The following NEO1 variants were observed in gnomAD, a reference collection of about 807,000 sequenced individuals.
The protein encoded by NEO1 is neogenin 1, also known as neogenin.
Under a neutral mutation model 159.7 loss-of-function variants are expected in NEO1, and 63 were observed. The observed-to-expected ratio is 0.39, with a 90% CI of 0.32 to 0.49. The LOEUF (loss-of-function observed/expected upper bound fraction) is 0.49, where lower values mean the gene tolerates loss of function less well. Ranked by LOEUF, NEO1 falls within the 20% of genes least tolerant of loss-of-function variation. The pLI, the probability that NEO1 is intolerant of heterozygous loss-of-function variation, is 0.85. For synonymous variants in NEO1, 633 were observed against 662.0 expected (o/e 0.96, Z 0.67); for missense variants, 1,615 against 1,831.0 (o/e 0.88, Z 2.15).
At chr15:73,084,040 T>A (rs1350627579) in intron 1 of NEO1, among the ~76,000 whole-genome samples, 1 of 152,150 alleles carries the variant, frequency 6.6e-6, no homozygotes, top group Non-Finnish European at 1.5e-5. Context: ...AATAATGTTT[T>A]AAAATATATA....
Position 73,116,851 on chromosome 15 carries a change from G to A in NEO1, c.442G>A (p.Val148Ile). 9.1e-6 allele frequency: 14 copies of A among 1,535,436 alleles called. No individual in the cohort carries two copies. The highest frequency in any genetic ancestry group is 1.7e-4 in the Middle Eastern group (1 of 5,736). The change falls in exon 2 of 29, where the codon GTA becomes ATA. Residue 148 changes from valine to isoleucine, a missense_variant. By Grantham distance (29) the Val-to-Ile change is conservative. Coordinates refer to ENST00000261908, the MANE Select transcript of NEO1 (RefSeq NM_002499.4). Reference protein sequence around the residue: ...TIISRTAKLIVAGLPRFTSQP... With the variant: ...TIISRTAKLIIAGLPRFTSQP... The stretch of plus-strand genomic sequence containing the variant: ...TATCAGTAGAACAGCGAAGCTCATA[G>A]TAGCAGGTAAGTTTTAAGTGATTTT...
rs753991718 is a variant in NEO1 at position 73,301,403 on chromosome 15, T to G, written c.4248T>G (p.Val1416=). Residue 1416 remains valine (V), a synonymous_variant, in exon 28 of 29, where the codon GTT becomes GTG. Transcript: ENST00000261908. The part of the protein sequence containing the change: ...GRSRPPMPVV[V]PSAPEVQETT... ...GCCGGCCTCCTATGCCAGTGGTTGT[T>G]CCCAGTGCCCCTGAAGTGCAGGAGA... is the stretch of plus-strand genomic sequence containing the variant. The G allele has an allele frequency of 1.2e-6, 2 of 1,614,148 alleles. No homozygotes were observed. The highest frequency in any genetic ancestry group is 8.5e-7 in the Non-Finnish European group (1 of 1,180,036).
At chr15:73,147,615 C>G (rs376810752) in intron 5 of NEO1, among the ~76,000 whole-genome samples, 47 of 152,202 alleles carry the variant, frequency 3.1e-4, no homozygotes, top group African/African-American at 1.0e-3. Flanking sequence ...AAGTCATGTC[C>G]CTTCCAGCCC....
intron 1 of NEO1, among the ~76,000 whole-genome samples, chr15:73,065,473 A>G (rs1424238283): frequency 2.0e-5 from 3 of 152,158 alleles, no homozygotes; most frequent in Admixed American, 6.5e-5. Context: ...AGGGTGCTGG[A>G]TGTAGAATTC....
At chr15:73,134,127 A>G (rs2031468971) in intron 4 of NEO1, among the ~76,000 whole-genome samples, 1 of 152,114 alleles carries the variant, frequency 6.6e-6, no homozygotes, top group African/African-American at 2.4e-5. Context: ...TAGGATTTTA[A>G]TTTTTGTAAA....
Position 73,249,571 on chromosome 15 carries a change from A to G in NEO1, c.1756-12A>G, listed in dbSNP as rs376374057. 3.1e-6 allele frequency: 5 copies of G among 1,588,132 alleles called. No individual in the cohort carries two copies. Among genetic ancestry groups the G allele is most frequent in the Non-Finnish European group, 4.3e-6 (5 of 1,171,868 alleles). On this transcript the variant is annotated splice_polypyrimidine_tract_variant and intron_variant, in intron 10 of 28. Transcript: ENST00000261908. ...TGAGTGCATATGTATAAAGTGTTTTATTTTATTCAAGGATGTTGATGTTTC... is the reference window on the plus strand; with the variant it reads ...TGAGTGCATATGTATAAAGTGTTTTGTTTTATTCAAGGATGTTGATGTTTC...
rs532697344 is a variant in NEO1 at position 73,293,367 on chromosome 15, C to T, written c.3743-23C>T. 42 of 1,613,256 alleles carry T rather than the reference C, an allele frequency of 2.6e-5. No homozygotes were observed. In the East Asian group the frequency reaches 6.5e-4, roughly 25 times the overall value. ...GTTTGTGCAAGCATGTTAAGCATTTCTCTGTCTTGTGTTCATTCACAGCTG... is the reference window on the plus strand; with the variant it reads ...GTTTGTGCAAGCATGTTAAGCATTTTTCTGTCTTGTGTTCATTCACAGCTG... On this transcript the variant is annotated intron_variant, in intron 25 of 28. Coordinates refer to ENST00000261908, the MANE Select transcript of NEO1 (RefSeq NM_002499.4).
chr15:73,258,251 A>G lies in NEO1; in HGVS notation c.2093-515A>G, dbSNP rs80327886. Among the ~76,000 whole-genome samples the G allele has an allele frequency of 6.0e-3, 921 of 152,322 alleles. 12 individuals are homozygous for G. The highest frequency in any genetic ancestry group is 0.021 in the African/African-American group (876 of 41,558). On this transcript the variant is annotated intron_variant, in intron 13 of 28. Coordinates refer to ENST00000261908, the MANE Select transcript of NEO1 (RefSeq NM_002499.4). ...TATGAGCAATTGGTTGTTAAGGAAT[A>G]GATTTTGAGACCGTATTTGGTGCTT...
intron 1 of NEO1, among the ~76,000 whole-genome samples, chr15:73,062,848 G>A (rs2068042305): frequency 6.6e-6 from 1 of 152,230 alleles, no homozygotes; most frequent in African/African-American, 2.4e-5. Flanking sequence ...CTGTAAAAGG[G>A]TTGCAGAATT....
chr15:73,197,681 CT>C (rs34893810), intron 7 of NEO1, among the ~76,000 whole-genome samples: 116 of 132,360 alleles, frequency 8.8e-4, no homozygotes, highest in Middle Eastern at 4.2e-3. Context: ...TTATACCTAC[CT>C]TTTTTTTTTT....
At chr15:73,077,883 TGATA>T (rs1437995372) in intron 1 of NEO1, among the ~76,000 whole-genome samples, 1 of 152,182 alleles carries the variant, frequency 6.6e-6, no homozygotes, top group African/African-American at 2.4e-5. Context: ...TGATAGAATT[TGATA>T]GATCTTGAAG....
Position 73,052,746 on chromosome 15 carries a change from T to TCGGGCGC in NEO1, c.88_94dup (p.Ala32GlyfsTer37), listed in dbSNP as rs1165907608. ...TTCTGGCTCTACTGCCTGCTGCTGC[T>TCGGGCGC]CGGGCGCCGGGCGCCGGGCGCCGCG... On this transcript the variant is annotated frameshift_variant, in exon 1 of 29. Coordinates refer to ENST00000261908, the MANE Select transcript of NEO1 (RefSeq NM_002499.4). LOFTEE classifies it high-confidence loss of function. 3 of 1,289,100 alleles carry TCGGGCGC rather than the reference T, an allele frequency of 2.3e-6. No individual in the cohort carries two copies. The highest frequency in any genetic ancestry group is 3.0e-6 in the Non-Finnish European group (3 of 1,012,006). The allele number at this position is 1,289,100 out of a possible 1,614,324, so 79.9% of individuals were successfully genotyped here.
At chr15:73,195,192 G>A (rs761428914) in intron 7 of NEO1, among the ~76,000 whole-genome samples, 50 of 152,132 alleles carry the variant, frequency 3.3e-4, no homozygotes, top group Non-Finnish European at 5.9e-4. Context: ...ATTTGAATTT[G>A]ATGCTATTAT....
chr15:73,178,369 T>G lies in NEO1; in HGVS notation c.1233T>G (p.Ile411Met). 1.2e-6 allele frequency: 2 copies of G among 1,613,902 alleles called. No homozygotes were observed. Among genetic ancestry groups the G allele is most frequent in the Non-Finnish European group, 1.7e-6 (2 of 1,179,876 alleles). The change falls in exon 7 of 29, where the codon ATT (isoleucine) becomes ATG (methionine). Residue 411 changes from isoleucine to methionine, a missense_variant. Coordinates refer to ENST00000261908, the MANE Select transcript of NEO1 (RefSeq NM_002499.4). ...CAGATGAAGGGTTCTATCAGTGCAT[T>G]GCTGAAAATGATGTTGGAAATGCAC... ...VKSDEGFYQCIAENDVGNAQA... is the reference protein window; with the variant it reads ...VKSDEGFYQCMAENDVGNAQA...
intron 7 of NEO1, among the ~76,000 whole-genome samples, chr15:73,210,666 A>G (rs1229524760): frequency 2.6e-5 from 4 of 152,252 alleles, no homozygotes. Flanking sequence ...AGCATAACAT[A>G]TGCATTTATA....
chr15:73,260,270 G>A lies in NEO1; in HGVS notation c.2204-1G>A. On this transcript the variant is annotated splice_acceptor_variant, in intron 14 of 28. Coordinates refer to ENST00000261908, the MANE Select transcript of NEO1 (RefSeq NM_002499.4). LOFTEE classifies it high-confidence loss of function. ...CTTGCTTTTCCACTTTTCCTTCCCA[G>A]AAACTCGTGTTCCTGAAGTGCCTAG... 1 of 1,604,686 alleles carries A rather than the reference G, an allele frequency of 6.2e-7. No individual in the cohort carries two copies. The highest frequency in any genetic ancestry group is 8.5e-7 in the Non-Finnish European group (1 of 1,175,954).
intron 7 of NEO1, among the ~76,000 whole-genome samples, chr15:73,212,376 AT>A (rs1325157012): frequency 1.3e-5 from 2 of 152,178 alleles, no homozygotes; most frequent in African/African-American, 4.8e-5. Flanking sequence ...CCGTGAAATA[AT>A]TTACTTTTCT....
At chr15:73,244,308 A>G (rs987654052) in intron 8 of NEO1, 36 bp from the exon 9 acceptor site, 1 of 1,587,348 alleles carries the variant, frequency 6.3e-7, no homozygotes, top group Non-Finnish European at 8.6e-7. Context: ...AGTATTCCTA[A>G]TTAATGCTAT....
At chr15:73,249,854 T>A (rs1293619777) in intron 11 of NEO1, 133 bp downstream of exon 11, 5 of 1,018,290 alleles carry the variant, frequency 4.9e-6, no homozygotes, top group Non-Finnish European at 7.0e-6. Flanking sequence ...AATATGACTT[T>A]AGTCAAGTCT....
Sources: gnomAD v4.1 joint callset for allele counts (sites outside exome capture counted in the v4.1 genomes callset) on GRCh38, gnomAD v4.1.1 for gene constraint, MANE v1.5 for transcripts, NCBI Gene and HGNC (gene_info 2026-07-23, HGNC 2026-07-21) for gene names.